The following KANK2 variants were observed in gnomAD, a reference collection of about 807,000 sequenced individuals.
KANK2 encodes KN motif and ankyrin repeat domains 2, also known as KN motif and ankyrin repeat domain-containing protein 2.
In KANK2, 41 loss-of-function variants were observed where a neutral mutation model predicts 74.6. The ratio of observed to expected loss-of-function variants is 0.55; its 90% CI spans 0.43 to 0.71. The LOEUF is 0.71. Among genes scored for constraint, KANK2 ranks in the 30% least tolerant of loss-of-function variants. The pLI is 0.00. For synonymous variants in KANK2, 537 were observed against 519.0 expected (o/e 1.03, Z -0.47); for missense variants, 1,148 against 1,196.4 (o/e 0.96, Z 0.60).
At position 11,174,763 on chromosome 19, in the gene KANK2, G is replaced by A. The variant is rs561035897; in HGVS notation, c.1849-71C>T. 18 of 1,264,010 alleles carry A rather than the reference G, an allele frequency of 1.4e-5. No individual in the cohort carries two copies. In the East Asian group the frequency reaches 2.3e-4, roughly 16 times the overall value. The allele number at this position is 1,264,010 out of a possible 1,614,324, so 78.3% of individuals were successfully genotyped here. On this transcript the variant is annotated intron_variant, in intron 8 of 12. Coordinates refer to ENST00000586659, the MANE Select transcript of KANK2 (RefSeq NM_001136191.3). ...CACTGGGACACCCCCCACCCCAGAT[G>A]CGCCCCCGGAGCAAAGCGTGGTGCC...
Position 11,174,526 on chromosome 19 carries a change from T to C in KANK2, c.2015A>G (p.His672Arg). ...GAAGTTGGCATGAGACACGGAGTAG[T>C]GCAGGGCTGTGTTGCCGTTGCTGTC... is the stretch of plus-strand genomic sequence containing the variant. ...IADSNGNTAL[H>R]YSVSHANFPV... The change falls in exon 9 of 13, where the codon CAC (histidine) becomes CGC (arginine). Residue 672 changes from histidine (H) to arginine (R), a missense_variant. Coordinates refer to ENST00000586659, the MANE Select transcript of KANK2 (RefSeq NM_001136191.3). 6.2e-7 allele frequency: 1 copy of C among 1,613,630 alleles called. No homozygotes were observed. The highest frequency in any genetic ancestry group is 8.5e-7 in the Non-Finnish European group (1 of 1,179,830).
chr19:11,194,146 G>A, intron 3 of KANK2, 104 bp from the exon 4 acceptor site: 1 of 1,271,954 alleles, frequency 7.9e-7, no homozygotes, highest in Non-Finnish European at 1.1e-6. Context: ...CGAAGAGATG[G>A]GAGCCCACCT....
chr19:11,164,815 C>A lies in KANK2; in HGVS notation c.*1743G>T, dbSNP rs771145242. 3.9e-5 allele frequency: 6 copies of A among 152,070 alleles called. No individual in the cohort carries two copies. The highest frequency in any genetic ancestry group is 7.3e-5 in the Non-Finnish European group (5 of 68,028). The allele number at this position is 152,070 out of a possible 1,614,324, so 9.4% of individuals were successfully genotyped here. A position where few individuals can be genotyped will look rare whatever the true frequency, so the allele number is the denominator to read the frequency against. On this transcript the variant is annotated 3_prime_UTR_variant, in exon 13 of 13. Transcript: ENST00000586659. ...TTTTGTTTTACGTACATTCCCTTCA[C>A]TAAAAATCAAAGCAAGCCAGTCTAC...
chr19:11,195,590 G>A (rs1234070322), intron 2 of KANK2, 32 bp downstream of exon 2: 2 of 152,556 alleles, frequency 1.3e-5, no homozygotes, highest in Non-Finnish European at 2.9e-5. Flanking sequence ...CACCTGCTGG[G>A]CATGAAGGCA....
At position 11,192,835 on chromosome 19, in the gene KANK2, T is replaced by A; in HGVS notation, c.1245A>T (p.Ala415=). The stretch of plus-strand genomic sequence containing the variant: ...TGCCTGCCTGCGACCGCTTACCTGC[T>A]GCTCCATCGCAGCTTCGCTCTGTGA... ...ISITERSCDG[A]AGLPEVPAES... The change falls in exon 4 of 13, where the codon GCA becomes GCT. Residue 415 remains alanine (A), a synonymous_variant. Transcript: ENST00000586659. 6.4e-7 allele frequency: 1 copy of A among 1,552,530 alleles called. No homozygotes were observed. The highest frequency in any genetic ancestry group is 1.1e-5 in the South Asian group (1 of 90,472).
At chr19:11,171,847 A>T (rs1263304) in intron 10 of KANK2, among the ~76,000 whole-genome samples, 149,707 of 150,412 alleles carry the variant, frequency 1, 74,502 homozygotes, top group South Asian at 1. Flanking sequence ...ATTTTTATAT[A>T]TTTTTTTTAG....
chr19:11,171,673 C>A (rs2078177281), intron 10 of KANK2, among the ~76,000 whole-genome samples: 1 of 150,844 alleles, frequency 6.6e-6, no homozygotes, highest in Non-Finnish European at 1.5e-5. Context: ...CCTTGGTGAG[C>A]CTCACCTTAA....
At chr19:11,178,519 G>GC in intron 5 of KANK2, 34 bp downstream of exon 5, 1 of 1,603,206 alleles carries the variant, frequency 6.2e-7, no homozygotes, top group Non-Finnish European at 8.5e-7. Flanking sequence ...CCATCCCGGT[G>GC]CCCCGTCCCT....
intron 4 of KANK2, among the ~76,000 whole-genome samples, chr19:11,186,916 G>C (rs1391040117): frequency 6.6e-6 from 1 of 152,120 alleles, no homozygotes; most frequent in Admixed American, 6.6e-5. Context: ...AGCATTGTTC[G>C]TGGTGGCCGG....
chr19:11,181,243 TTATTA>T (rs1266460503), intron 4 of KANK2, among the ~76,000 whole-genome samples: 7 of 125,986 alleles, frequency 5.6e-5, no homozygotes, highest in Non-Finnish European at 1.0e-4. Context: ...AGATTTATTA[TTATTA>T]TTATTATTAT....
chr19:11,165,545 A>T lies in KANK2; in HGVS notation c.*1013T>A, dbSNP rs1328339782. The T allele has an allele frequency of 1.3e-5, 2 of 151,968 alleles. No homozygotes were observed. Among genetic ancestry groups the T allele is most frequent in the Non-Finnish European group, 2.9e-5 (2 of 67,994 alleles). 9.4% of individuals were successfully genotyped at this position (151,968 alleles called of 1,614,324 possible). ...ATTTGCCAAGGCCTCCATGTGGGGA[A>T]GGGAGGGGTTTCTGGGTAATTTGTC... On this transcript the variant is annotated 3_prime_UTR_variant, in exon 13 of 13. Coordinates refer to ENST00000586659, the MANE Select transcript of KANK2 (RefSeq NM_001136191.3).
chr19:11,180,905 G>T (rs1600815117), intron 4 of KANK2, among the ~76,000 whole-genome samples: 1 of 151,664 alleles, frequency 6.6e-6, no homozygotes. Context: ...TGGCCAACAT[G>T]GCAAAACCCC....
chr19:11,190,590 T>C (rs866950681), intron 4 of KANK2, among the ~76,000 whole-genome samples: 51 of 152,202 alleles, frequency 3.4e-4, no homozygotes, highest in Non-Finnish European at 5.9e-4. Context: ...TCTCCACCTC[T>C]CTAGAGGTGG....
At chr19:11,192,726 C>A (rs1430466579) in intron 4 of KANK2, 105 bp downstream of exon 4, 1 of 1,421,792 alleles carries the variant, frequency 7.0e-7, no homozygotes, top group South Asian at 1.2e-5. Flanking sequence ...TGCGCCACCG[C>A]ACCCTGCCTG....
At position 11,176,737 on chromosome 19, in the gene KANK2, G is replaced by A. The variant is rs1360323738; in HGVS notation, c.1601C>T (p.Pro534Leu). 4.4e-6 allele frequency: 7 copies of A among 1,608,678 alleles called. No homozygotes were observed. The highest frequency in any genetic ancestry group is 1.6e-4 in the Middle Eastern group (1 of 6,070). The change falls in exon 7 of 13, where the codon CCG becomes CTG. Residue 534 changes from proline to leucine, a missense_variant. By Grantham distance (98) the Pro-to-Leu change is moderately conservative. Coordinates refer to ENST00000586659, the MANE Select transcript of KANK2 (RefSeq NM_001136191.3). The part of the protein sequence containing the change: ...NDSTENEAPE[P>L]RERVPSVAEA... ...GGCCACACTCGGAACCCTCTCCCTC[G>A]GCTCTGGGGCCTCGTTCTCTGTGCT...
chr19:11,174,329 G>A, intron 9 of KANK2, 144 bp downstream of exon 9: 1 of 683,072 alleles, frequency 1.5e-6, no homozygotes, highest in Non-Finnish European at 2.6e-6. Context: ...TGGGAGAGAG[G>A]TGTTCCCTCT....
chr19:11,185,511 TA>T (rs886655749), intron 4 of KANK2, among the ~76,000 whole-genome samples: 3 of 146,668 alleles, frequency 2.0e-5, no homozygotes, highest in South Asian at 2.2e-4. Flanking sequence ...ATTCAACCAT[TA>T]AAAAAAAACG....
intron 10 of KANK2, among the ~76,000 whole-genome samples, chr19:11,172,776 G>A (rs2078213658): frequency 6.6e-6 from 1 of 152,114 alleles, no homozygotes; most frequent in African/African-American, 2.4e-5. Flanking sequence ...AGCAGGATGT[G>A]GGATGGGGTC....
intron 8 of KANK2, among the ~76,000 whole-genome samples, chr19:11,175,579 C>T (rs1404309349): frequency 6.6e-6 from 1 of 152,046 alleles, no homozygotes; most frequent in Admixed American, 6.6e-5. Context: ...AGCCACTGCG[C>T]CCAGCCCTGG....
Sources: allele counts gnomAD v4.1 joint callset (sites outside exome capture counted in the v4.1 genomes callset), GRCh38; gene constraint gnomAD v4.1.1; transcripts MANE v1.5; gene names NCBI Gene and HGNC (gene_info 2026-07-23, HGNC 2026-07-21).